Variants in PPL observed in about 807,000 individuals in gnomAD.
PPL encodes the protein 190 kDa paraneoplastic pemphigus antigen.
A neutral mutation model predicts 194.4 loss-of-function variants in PPL; 198 were observed. The ratio of observed to expected loss-of-function variants is 1.02; its 90% confidence interval spans 0.91 to 1.15. The LOEUF is 1.15. Among genes scored for constraint, PPL ranks in the 50% most tolerant of loss-of-function variants. The pLI is 0.00. For synonymous variants in PPL, 1,220 were observed against 972.4 expected (o/e 1.25, Z -4.74); for missense variants, 2,885 against 2,294.8 (o/e 1.26, Z -5.25).
chr16:4,913,907 C>T (rs572798459), intron 1 of PPL, among the ~76,000 whole-genome samples: 10 of 152,320 alleles, frequency 6.6e-5, no homozygotes, highest in African/African-American at 2.4e-4. Flanking sequence ...AGACAAGCCT[C>T]TCCCTCCCTG....
rs774622243 is a variant in PPL at position 4,883,591 on chromosome 16, G to C, written c.5064C>G (p.Leu1688=). Residue 1688 remains leucine (L), a synonymous_variant, in exon 22 of 22, where the codon CTC becomes CTG. Coordinates refer to ENST00000345988, the MANE Select transcript of PPL (RefSeq NM_002705.5). The surrounding 1 kb of genome is among the most constrained non-coding windows in gnomAD (Gnocchi z 4.8). The part of the protein sequence containing the change: ...GLIDWNMFVK[L]RSQECDWEEI... ...CCTCCCAGTCGCACTCCTGGCTTCT[G>C]AGTTTCACGAACATGTTCCAGTCAA... is the stretch of plus-strand genomic sequence containing the variant. 3.7e-6 allele frequency: 6 copies of C among 1,614,164 alleles called. No individual in the cohort carries two copies. The highest frequency in any genetic ancestry group is 1.1e-5 in the South Asian group (1 of 91,076).
At position 4,895,341 on chromosome 16, in the gene PPL, C is replaced by G; in HGVS notation, c.1162G>C (p.Val388Leu). Residue 388 changes from valine to leucine, a missense_variant, in exon 11 of 22, where the codon GTG (valine) becomes CTG (leucine). By Grantham distance (32) the Val-to-Leu change is conservative. Coordinates refer to ENST00000345988, the MANE Select transcript of PPL (RefSeq NM_002705.5). ...TCCCGGCGGTACTTGAGGGGCACCACCTGCTGGCCTCGCTTCTGCAGCCCC... is the reference window on the plus strand; with the variant it reads ...TCCCGGCGGTACTTGAGGGGCACCAGCTGCTGGCCTCGCTTCTGCAGCCCC... ...VQGLQKRGQQVVPLKYRRETP... is the reference protein window; with the variant it reads ...VQGLQKRGQQLVPLKYRRETP... 6.2e-7 allele frequency: 1 copy of G among 1,613,392 alleles called. No individual in the cohort carries two copies. Among genetic ancestry groups the G allele is most frequent in the South Asian group, 1.1e-5 (1 of 91,082 alleles).
At chr16:4,900,514 A>G (rs2088542347) in intron 6 of PPL, among the ~76,000 whole-genome samples, 1 of 138,480 alleles carries the variant, frequency 7.2e-6, no homozygotes, top group Admixed American at 8.2e-5. Context: ...ATCACAGCTC[A>G]TTGCAGCCTC....
At chr16:4,898,561 A>G (rs527700599) in intron 8 of PPL, among the ~76,000 whole-genome samples, 1 of 152,280 alleles carries the variant, frequency 6.6e-6, no homozygotes, top group South Asian at 2.1e-4. Flanking sequence ...GTGAAGACGG[A>G]GGAAGGGACT....
intron 16 of PPL, among the ~76,000 whole-genome samples, chr16:4,891,237 A>G (rs568339457): frequency 6.6e-6 from 1 of 152,244 alleles, no homozygotes; most frequent in South Asian, 2.1e-4. Context: ...GGGAGTGTGA[A>G]TAAGGGGCCT....
At chr16:4,893,807 T>A in intron 12 of PPL, 169 bp from the exon 13 acceptor site, 1 of 595,876 alleles carries the variant, frequency 1.7e-6, no homozygotes, top group Non-Finnish European at 3.0e-6. Flanking sequence ...GCTCCTGGGC[T>A]CAGAGCTCTT....
Position 4,903,976 on chromosome 16 carries a change from A to G in PPL, c.227T>C (p.Leu76Ser), listed in dbSNP as rs769863208. ...EHRDVTLQKV[L>S]DSEKLLYVLE... is the part of the protein sequence containing the mutation. ...CACATAGAGCAGCTTCTCAGAGTCC[A>G]ACACCTTCTGCAGGGTCACGTCCCG... Residue 76 changes from leucine to serine, a missense_variant, in exon 3 of 22, where the codon TTG becomes TCG. By Grantham distance (145) the Leu-to-Ser change is moderately radical. Transcript: ENST00000345988. 4 of 1,613,902 alleles carry G rather than the reference A, an allele frequency of 2.5e-6. No homozygotes were observed. Among genetic ancestry groups the G allele is most frequent in the Non-Finnish European group, 2.5e-6 (3 of 1,180,048 alleles).
At chr16:4,905,270 G>C (rs2088659346) in intron 2 of PPL, among the ~76,000 whole-genome samples, 1 of 152,230 alleles carries the variant, frequency 6.6e-6, no homozygotes, top group Non-Finnish European at 1.5e-5. Context: ...ACAAAGAGCA[G>C]GAACTACGGA....
chr16:4,890,459 A>G (rs779010031), intron 17 of PPL, 125 bp from the exon 18 acceptor site: 8 of 1,265,444 alleles, frequency 6.3e-6, no homozygotes, highest in Non-Finnish European at 8.5e-6. Context: ...TATCTCCCAC[A>G]CAGGGTGGGT....
At chr16:4,919,694 C>T (rs2088996993) in intron 1 of PPL, among the ~76,000 whole-genome samples, 1 of 152,150 alleles carries the variant, frequency 6.6e-6, no homozygotes, top group Admixed American at 6.5e-5. Flanking sequence ...CTTTGGGAGG[C>T]TGAGGCAGGA....
chr16:4,896,287 A>G (rs539835904), intron 9 of PPL, among the ~76,000 whole-genome samples: 1 of 152,272 alleles, frequency 6.6e-6, no homozygotes, highest in African/African-American at 2.4e-5. Context: ...AATCCTAAGA[A>G]TTACCCGCAG....
intron 16 of PPL, 171 bp downstream of exon 16, chr16:4,891,640 G>A (rs776457708): frequency 1.2e-5 from 9 of 766,910 alleles, no homozygotes; most frequent in Non-Finnish European, 1.6e-5. Context: ...CAGATCCCGT[G>A]AATAGCTTGG....
At chr16:4,936,910 C>T (rs991878066) in intron 1 of PPL, 74 bp downstream of exon 1, 7 of 1,438,026 alleles carry the variant, frequency 4.9e-6, no homozygotes, top group African/African-American at 2.9e-5. Context: ...CTACACTGCC[C>T]GGGAGGTCTT....
chr16:4,910,743 G>C, intron 2 of PPL, 107 bp downstream of exon 2: 1 of 998,524 alleles, frequency 1.0e-6, no homozygotes, highest in East Asian at 2.4e-5. Context: ...TTCCCTCGGG[G>C]CCACAATCAC....
chr16:4,922,124 G>C (rs2089062102), intron 1 of PPL, among the ~76,000 whole-genome samples: 1 of 151,968 alleles, frequency 6.6e-6, no homozygotes, highest in East Asian at 1.9e-4. Context: ...TAAGCACCCA[G>C]ACCAAAGCCA....
intron 1 of PPL, among the ~76,000 whole-genome samples, chr16:4,936,514 C>G (rs1314529303): frequency 2.0e-5 from 3 of 152,214 alleles, no homozygotes; most frequent in African/African-American, 4.8e-5. Context: ...CCGACGCCAG[C>G]TCAGTTTCCC....
At chr16:4,935,866 A>G (rs2142440012) in intron 1 of PPL, among the ~76,000 whole-genome samples, 1 of 152,296 alleles carries the variant, frequency 6.6e-6, no homozygotes, top group South Asian at 2.1e-4. Context: ...GCTCCCAGTG[A>G]GAGCAGCTTG....
Position 4,894,533 on chromosome 16 carries a change from AGCTTGT to A in PPL, c.1322_1327del (p.Asn441_Leu443delinsMet), listed in dbSNP as rs776007917. On this transcript the variant is annotated inframe_deletion, in exon 12 of 22. Transcript: ENST00000345988. ...CACAAAACACACGGCCGGAGCAATC[AGCTTGT>A]TCCCAGCGCTGTCCATGAGCTCCCA... is the stretch of plus-strand genomic sequence containing the variant. The A allele has an allele frequency of 3.1e-6, 5 of 1,613,948 alleles. No homozygotes were observed. The highest frequency in any genetic ancestry group is 4.2e-6 in the Non-Finnish European group (5 of 1,179,976).
chr16:4,887,370 G>C, intron 20 of PPL, 143 bp from the exon 21 acceptor site: 1 of 670,366 alleles, frequency 1.5e-6, no homozygotes, highest in Non-Finnish European at 2.7e-6. Flanking sequence ...CCTGCCTGGA[G>C]TTAGACTGTA....
Sources: gnomAD v4.1 joint callset for allele counts (sites outside exome capture counted in the v4.1 genomes callset) on GRCh38, gnomAD v4.1.1 for gene constraint, Gnocchi (gnomAD v3.1) non-coding constraint, MANE v1.5 for transcripts, NCBI Gene and HGNC (gene_info 2026-07-23, HGNC 2026-07-21) for gene names.